Variants in ARHGEF17 observed in about 807,000 individuals in gnomAD.
ARHGEF17 encodes the protein Rho guanine nucleotide exchange factor 17, also known as 164 kDa Rho-specific guanine-nucleotide exchange factor.
In ARHGEF17, 80 loss-of-function variants were observed where a neutral mutation model predicts 174.0. The observed-to-expected ratio is 0.46, with a 90% CI of 0.38 to 0.55. The LOEUF is 0.55. Among genes scored for constraint, ARHGEF17 ranks in the 20% least tolerant of loss-of-function variants. The pLI, the probability that ARHGEF17 is intolerant of heterozygous loss-of-function variation, is 0.00. For missense variants in ARHGEF17, 2,886 were observed against 2,839.7 expected (o/e 1.02, Z -0.37); for synonymous variants, 1,311 against 1,189.1 (o/e 1.10, Z -2.11).
intron 1 of ARHGEF17, among the ~76,000 whole-genome samples, chr11:73,332,987 C>G (rs919815563): frequency 6.6e-6 from 1 of 152,118 alleles, no homozygotes; most frequent in Non-Finnish European, 1.5e-5. Context: ...AGTCCCACAG[C>G]AGGTCAGTGC....
chr11:73,337,133 A>G (rs1231499578), intron 1 of ARHGEF17, among the ~76,000 whole-genome samples: 1 of 152,220 alleles, frequency 6.6e-6, no homozygotes, highest in Non-Finnish European at 1.5e-5. Context: ...ACATTGTAAG[A>G]AGAACATGTG....
At position 73,310,072 on chromosome 11, in the gene ARHGEF17, G is replaced by A; in HGVS notation, c.1434G>A (p.Leu478=). ...AGACCCTGACGCTTCTCAGTTTCCT[G>A]CGCTCAGACCTTTCAGAGCTGAGGG... is the stretch of plus-strand genomic sequence containing the variant. The part of the protein sequence containing the change: ...ASETLTLLSF[L]RSDLSELRVR... The change falls in exon 1 of 21, where the codon CTG becomes CTA. Residue 478 remains leucine, a synonymous_variant. Coordinates refer to ENST00000263674, the MANE Select transcript of ARHGEF17 (RefSeq NM_014786.4). 6.2e-7 allele frequency: 1 copy of A among 1,614,170 alleles called. No individual in the cohort carries two copies. The highest frequency in any genetic ancestry group is 8.5e-7 in the Non-Finnish European group (1 of 1,180,022).
intron 2 of ARHGEF17, among the ~76,000 whole-genome samples, chr11:73,347,970 G>T (rs911575121): frequency 3.2e-4 from 48 of 152,326 alleles, no homozygotes; most frequent in African/African-American, 1.2e-3. Context: ...CCTCGGATAG[G>T]TGGGGCCCAG....
rs113674594 is a variant in ARHGEF17, at chr11:73,365,258, C to A, written c.5551-132C>A. The A allele has an allele frequency of 2.0e-6, 2 of 1,007,596 alleles. No homozygotes were observed. The highest frequency in any genetic ancestry group is 2.9e-6 in the Non-Finnish European group (2 of 690,116). The allele number at this position is 1,007,596 out of a possible 1,614,324, so 62.4% of individuals were successfully genotyped here. A position where few individuals can be genotyped will look rare whatever the true frequency, so the allele number is the denominator to read the frequency against. Reference sequence around the variant, plus strand: ...GGGAGGTGCTGGTGAAACCAAGCTTCGAAAGGTTAATCAGACCAAGGACCA... The same window carrying A: ...GGGAGGTGCTGGTGAAACCAAGCTTAGAAAGGTTAATCAGACCAAGGACCA... On this transcript the variant is annotated intron_variant, in intron 18 of 20. Coordinates refer to ENST00000263674, the MANE Select transcript of ARHGEF17 (RefSeq NM_014786.4). This position sits in a 1 kb window ranked among gnomAD's most constrained non-coding sequence, Gnocchi z 4.9.
Position 73,356,726 on chromosome 11 carries a change from G to T in ARHGEF17, c.3858G>T (p.Arg1286=), listed in dbSNP as rs1296348141. ...TCCCACAGCTCCAGGCCCCTCTGCGGCGGTTCCTGAGACAGGAGATGGTCA... is the reference window on the plus strand; with the variant it reads ...TCCCACAGCTCCAGGCCCCTCTGCGTCGGTTCCTGAGACAGGAGATGGTCA... ...EGMEDLQAPL[R]RFLRQEMVIE... is the part of the protein sequence containing the mutation. Residue 1286 remains arginine, a synonymous_variant, in exon 7 of 21, where the codon CGG becomes CGT. Transcript: ENST00000263674. 1 of 1,614,174 alleles carries T rather than the reference G, an allele frequency of 6.2e-7. No individual in the cohort carries two copies. Among genetic ancestry groups the T allele is most frequent in the Non-Finnish European group, 8.5e-7 (1 of 1,180,040 alleles).
At chr11:73,354,444 A>C (rs1389057604) in intron 3 of ARHGEF17, among the ~76,000 whole-genome samples, 1 of 152,124 alleles carries the variant, frequency 6.6e-6, no homozygotes, top group East Asian at 1.9e-4. Flanking sequence ...GGCCGGGCGC[A>C]GTGGTTCACG....
chr11:73,310,336 C>G lies in ARHGEF17; in HGVS notation c.1698C>G (p.Ser566=), dbSNP rs1456956964. 1 of 1,613,820 alleles carries G rather than the reference C, an allele frequency of 6.2e-7. No individual in the cohort carries two copies. The change falls in exon 1 of 21, where the codon TCC becomes TCG. Residue 566 remains serine (S), a synonymous_variant. Coordinates refer to ENST00000263674, the MANE Select transcript of ARHGEF17 (RefSeq NM_014786.4). The stretch of plus-strand genomic sequence containing the variant: ...TGCCCCGCACCAGTGCTCTGAAGTC[C>G]AGCTCCTCCGAGCTCCTGCTCACAG... The part of the protein sequence containing the change: ...RRLPRTSALK[S]SSSELLLTGP...
rs773432912 is a variant in ARHGEF17 at position 73,360,334 on chromosome 11, A to C, written c.4221A>C (p.Ala1407=). ...CTTCCCCACAGAGCCTGGACGATGCACTGCGGGACCTCTCAGCTGCCATGC... is the reference window on the plus strand; with the variant it reads ...CTTCCCCACAGAGCCTGGACGATGCCCTGCGGGACCTCTCAGCTGCCATGC... ...LGFPHQSLDD[A]LRDLSAAMHR... The change falls in exon 11 of 21, where the codon GCA becomes GCC. Residue 1407 remains alanine (A), a synonymous_variant. Transcript: ENST00000263674. 1.2e-6 allele frequency: 2 copies of C among 1,613,714 alleles called. No individual in the cohort carries two copies. Among genetic ancestry groups the C allele is most frequent in the Non-Finnish European group, 1.7e-6 (2 of 1,180,038 alleles).
At chr11:73,338,252 C>A (rs1865316567) in intron 1 of ARHGEF17, among the ~76,000 whole-genome samples, 1 of 152,110 alleles carries the variant, frequency 6.6e-6, no homozygotes. Context: ...ACTGAGGCCC[C>A]AAGAAGTGAA....
rs1373365708 is a variant in ARHGEF17, at chr11:73,363,846, G to T, written c.5333+13G>T. On this transcript the variant is annotated intron_variant, in intron 16 of 20. Transcript: ENST00000263674. ...TGACCTGCATCTTGTAAGGCCCCAGGGTGGCCCTTCCTATCTAGACTCTTC... is the reference window on the plus strand; with the variant it reads ...TGACCTGCATCTTGTAAGGCCCCAGTGTGGCCCTTCCTATCTAGACTCTTC... 6.2e-7 allele frequency: 1 copy of T among 1,613,390 alleles called. No individual in the cohort carries two copies.
At chr11:73,359,763 G>T in intron 9 of ARHGEF17, 71 bp from the exon 10 acceptor site, 1 of 1,302,584 alleles carries the variant, frequency 7.7e-7, no homozygotes. Flanking sequence ...TGCAGTGAGG[G>T]AAGGAGAGTC....
At chr11:73,338,430 G>A (rs556557095) in intron 1 of ARHGEF17, among the ~76,000 whole-genome samples, 1 of 152,304 alleles carries the variant, frequency 6.6e-6, no homozygotes, top group East Asian at 1.9e-4. Context: ...CGGCTGTCAG[G>A]GAAATGGATA....
At chr11:73,332,350 CGTGTGTGTGTGTGT>C (rs58725771) in intron 1 of ARHGEF17, among the ~76,000 whole-genome samples, 8,889 of 120,640 alleles carry the variant, frequency 0.074, 579 homozygotes, top group African/African-American at 0.18. Context: ...GCTTTTTCTC[CGTGTGTGTGTGTGT>C]GTGTGTGTGT....
In ARHGEF17 at chr11:73,346,898, G is replaced by A. The variant is rs1402847347; in HGVS notation, c.3208G>A (p.Val1070Met). The change falls in exon 2 of 21, where the codon GTG becomes ATG. Residue 1070 changes from valine to methionine, a missense_variant. Coordinates refer to ENST00000263674, the MANE Select transcript of ARHGEF17 (RefSeq NM_014786.4). Reference protein sequence around the residue: ...SKPQVDMRKHVAMTLLDTEQS... With the variant: ...SKPQVDMRKHMAMTLLDTEQS... ...GTCCCCACAGGACATGCGGAAGCAC[G>A]TGGCCATGACCCTGCTGGACACAGA... 1.3e-6 allele frequency: 2 copies of A among 1,508,136 alleles called. No homozygotes were observed. The highest frequency in any genetic ancestry group is 1.8e-6 in the Non-Finnish European group (2 of 1,122,416). The allele number at this position is 1,508,136 out of a possible 1,614,324, so 93.4% of individuals were successfully genotyped here.
Position 73,309,163 on chromosome 11 carries a change from A to C in ARHGEF17, c.525A>C (p.Thr175=), listed in dbSNP as rs756911360. ...AGCCACCGACGCCACCCCCTCGGACATGCTTCCCCCTGGCGGGTCTGCGTT... is the reference window on the plus strand; with the variant it reads ...AGCCACCGACGCCACCCCCTCGGACCTGCTTCCCCCTGGCGGGTCTGCGTT... The part of the protein sequence containing the change: ...SRQPPTPPPR[T]CFPLAGLRSA... The change falls in exon 1 of 21, where the codon ACA becomes ACC. Residue 175 remains threonine (T), a synonymous_variant. Coordinates refer to ENST00000263674, the MANE Select transcript of ARHGEF17 (RefSeq NM_014786.4). The C allele has an allele frequency of 4.7e-4, 744 of 1,589,912 alleles. No homozygotes were observed. The highest frequency in any genetic ancestry group is 4.8e-4 in the Non-Finnish European group (561 of 1,168,964).
chr11:73,361,347 A>G (rs373498499), intron 12 of ARHGEF17, among the ~76,000 whole-genome samples, 186 bp downstream of exon 12: 1 of 152,224 alleles, frequency 6.6e-6, no homozygotes, highest in Non-Finnish European at 1.5e-5. Flanking sequence ...GTATATGGGT[A>G]TGCTTCGTGC....
intron 13 of ARHGEF17, 69 bp from the exon 14 acceptor site, chr11:73,362,345 CGAGTGTGGGCGGGGTCGGT>C: frequency 6.9e-7 from 1 of 1,445,016 alleles, no homozygotes; most frequent in Middle Eastern, 2.5e-4. Flanking sequence ...CGGGGCCCGG[CGAGTGTGGGCGGGGTCGGT>C]GGGCGTGTCC....
At chr11:73,347,156 G>A in intron 2 of ARHGEF17, 196 bp downstream of exon 2, 2 of 704,122 alleles carry the variant, frequency 2.8e-6, no homozygotes, top group East Asian at 2.8e-5. Context: ...GGGCAAGAGA[G>A]AATGCAGAGG....
intron 15 of ARHGEF17, 22 bp from the exon 16 acceptor site, chr11:73,363,725 A>G (rs371077563): frequency 1.2e-6 from 2 of 1,613,184 alleles, no homozygotes; most frequent in African/African-American, 2.7e-5. Context: ...CATTTGTCCC[A>G]GGTGCATACC....
Sources: gnomAD v4.1 joint callset for allele counts (sites outside exome capture counted in the v4.1 genomes callset) on GRCh38, gnomAD v4.1.1 for gene constraint, Gnocchi (gnomAD v3.1) non-coding constraint, MANE v1.5 for transcripts, NCBI Gene and HGNC (gene_info 2026-07-23, HGNC 2026-07-21) for gene names.